Variants in SPON1 observed in about 807,000 individuals in gnomAD.
SPON1 encodes spondin-1.
A neutral mutation model predicts 111.7 loss-of-function variants in SPON1; 52 were observed. The ratio of observed to expected loss-of-function variants is 0.47; its 90% CI spans 0.37 to 0.59. The LOEUF is 0.59. SPON1 is among the 20% of genes least tolerant of loss of function. The pLI is 0.00. For missense variants in SPON1, 957 were observed against 1,068.5 expected (o/e 0.90, Z 1.46); for synonymous variants, 410 against 395.8 (o/e 1.04, Z -0.43).
intron 2 of SPON1, among the ~76,000 whole-genome samples, chr11:14,029,404 T>C (rs1554915758): frequency 6.6e-6 from 1 of 152,228 alleles, no homozygotes; most frequent in East Asian, 1.9e-4. Flanking sequence ...GTTTTGTTGA[T>C]AAACTTTCTC....
chr11:14,169,034 G>A (rs1269066802), intron 6 of SPON1, among the ~76,000 whole-genome samples: 1 of 152,182 alleles, frequency 6.6e-6, no homozygotes, highest in African/African-American at 2.4e-5. Flanking sequence ...GGATGGCTGG[G>A]TCAAATGGTA....
intron 1 of SPON1, among the ~76,000 whole-genome samples, chr11:13,978,416 C>T (rs953833016): frequency 6.6e-6 from 1 of 152,158 alleles, no homozygotes; most frequent in East Asian, 1.9e-4. Flanking sequence ...CAACTCCGCA[C>T]TGGTCACTGT....
chr11:14,262,624 C>T (rs996393162), intron 14 of SPON1, 88 bp from the exon 15 acceptor site: 16 of 1,538,606 alleles, frequency 1.0e-5, no homozygotes, highest in Middle Eastern at 1.7e-4. Flanking sequence ...TTGCATCCCT[C>T]ATAGGCTTGT....
rs781903221 is a variant in SPON1, at chr11:14,228,269, G to A, written c.826-15063G>A. Among the ~76,000 whole-genome samples, 4 of 152,182 alleles carry A rather than the reference G, an allele frequency of 2.6e-5. No homozygotes were observed. Among genetic ancestry groups the A allele is most frequent in the South Asian group, 2.1e-4 (1 of 4,828 alleles). ...ACACATTGTTCAGGCAGCAGCACACGTATCCTTTGGGCTTTACCTAGTCAA... is the reference window on the plus strand; with the variant it reads ...ACACATTGTTCAGGCAGCAGCACACATATCCTTTGGGCTTTACCTAGTCAA... On this transcript the variant is annotated intron_variant, in intron 6 of 15. Transcript: ENST00000576479. This position sits in a 1 kb window ranked among gnomAD's most constrained non-coding sequence, Gnocchi z 4.2.
At chr11:14,241,517 G>A (rs1848926293) in intron 6 of SPON1, among the ~76,000 whole-genome samples, 2 of 152,308 alleles carry the variant, frequency 1.3e-5, no homozygotes, top group African/African-American at 4.8e-5. Context: ...CTGGTGTCGG[G>A]GGTGAAGGGA....
At chr11:14,019,248 T>C (rs1848464168) in intron 2 of SPON1, among the ~76,000 whole-genome samples, 1 of 152,100 alleles carries the variant, frequency 6.6e-6, no homozygotes, top group Non-Finnish European at 1.5e-5. Context: ...AGTTACTTAA[T>C]CCCTCTGTGC....
intron 6 of SPON1, among the ~76,000 whole-genome samples, chr11:14,240,249 T>C (rs1220158974): frequency 6.6e-6 from 1 of 152,212 alleles, no homozygotes; most frequent in Non-Finnish European, 1.5e-5. Flanking sequence ...TCTCTGATCC[T>C]TATAGAAGTT....
At chr11:14,095,404 C>CCAGA (rs1554923790) in intron 5 of SPON1, among the ~76,000 whole-genome samples, 3 of 148,208 alleles carry the variant, frequency 2.0e-5, no homozygotes, top group Admixed American at 1.4e-4. Flanking sequence ...AAATGAGAGA[C>CCAGA]TAGATAGATA....
intron 1 of SPON1, among the ~76,000 whole-genome samples, chr11:13,976,876 A>G (rs553024026): frequency 2.5e-4 from 38 of 152,234 alleles, no homozygotes; most frequent in African/African-American, 7.9e-4. Flanking sequence ...ACATGTTACT[A>G]CTGTCCTGAC....
At chr11:14,075,935 C>T (rs369035249) in intron 4 of SPON1, among the ~76,000 whole-genome samples, 1 of 152,136 alleles carries the variant, frequency 6.6e-6, no homozygotes, top group African/African-American at 2.4e-5. Context: ...TATCAACCTT[C>T]TCTCCTTAGG....
chr11:14,251,592 A>T (rs1466027283), intron 7 of SPON1, among the ~76,000 whole-genome samples: 1 of 152,178 alleles, frequency 6.6e-6, no homozygotes, highest in African/African-American at 2.4e-5. Context: ...GATATGAATG[A>T]CTAATCTGGC....
At chr11:13,963,167 TA>T in intron 1 of SPON1, 25 bp downstream of exon 1, 1 of 1,461,656 alleles carries the variant, frequency 6.8e-7, no homozygotes, top group Non-Finnish European at 9.1e-7. Flanking sequence ...GGCGTGGCAT[TA>T]GGAGAGCGGG....
chr11:13,984,291 T>A (rs1554910056), intron 2 of SPON1, among the ~76,000 whole-genome samples: 1 of 152,234 alleles, frequency 6.6e-6, no homozygotes, highest in Non-Finnish European at 1.5e-5. Context: ...TTAAATCACT[T>A]GCCTAAGCTT....
At chr11:13,968,488 G>A (rs12286366) in intron 1 of SPON1, among the ~76,000 whole-genome samples, 20,782 of 152,080 alleles carry the variant, frequency 0.14, 1,880 homozygotes, top group Non-Finnish European at 0.19. Context: ...TATACAAAGA[G>A]TAAACTCATT....
At chr11:14,137,885 A>G (rs1172758174) in intron 6 of SPON1, among the ~76,000 whole-genome samples, 1 of 152,178 alleles carries the variant, frequency 6.6e-6, no homozygotes, top group Non-Finnish European at 1.5e-5. Context: ...GCTCCTGGGA[A>G]AGTCAGTTGG....
intron 7 of SPON1, among the ~76,000 whole-genome samples, chr11:14,246,637 A>G (rs1161376156): frequency 6.6e-6 from 1 of 152,164 alleles, no homozygotes; most frequent in African/African-American, 2.4e-5. Flanking sequence ...CTTACCCTGT[A>G]TCCTATCAAG....
intron 5 of SPON1, among the ~76,000 whole-genome samples, chr11:14,088,563 A>AT (rs548753436): frequency 6.7e-6 from 1 of 149,842 alleles, no homozygotes; most frequent in East Asian, 2.0e-4. Context: ...TGCCCTTAAC[A>AT]TTTTTTCCTT....
rs547918193 is a variant in SPON1, at chr11:14,012,866, G to A, written c.346-28655G>A. Among the ~76,000 whole-genome samples, 7 of 152,246 alleles carry A rather than the reference G, an allele frequency of 4.6e-5. 1 individual carries two copies. In the South Asian group the frequency reaches 1.2e-3, roughly 27 times the overall value. On this transcript the variant is annotated intron_variant, in intron 2 of 15. Coordinates refer to ENST00000576479, the MANE Select transcript of SPON1 (RefSeq NM_006108.4). ...GGCTCTCGGTAGTTAATAAGTGTTT[G>A]TTGAACAAAAGGATGGCTACATTTT... is the stretch of plus-strand genomic sequence containing the variant.
intron 5 of SPON1, among the ~76,000 whole-genome samples, chr11:14,121,530 A>G (rs567532957): frequency 1.1e-3 from 173 of 152,336 alleles, no homozygotes; most frequent in African/African-American, 4.1e-3. Context: ...CTGGAGGTGC[A>G]GGAAAGGCAA....
Sources: allele counts gnomAD v4.1 joint callset (sites outside exome capture counted in the v4.1 genomes callset), GRCh38; gene constraint gnomAD v4.1.1; non-coding constraint Gnocchi (gnomAD v3.1); transcripts MANE v1.5; gene names NCBI Gene and HGNC (gene_info 2026-07-23, HGNC 2026-07-21).